CELSR1: variants seen among roughly 807,000 people sequenced by gnomAD.
CELSR1 encodes the protein cadherin EGF LAG seven-pass G-type receptor 1.
CELSR1 carries 110 observed loss-of-function variants against 249.1 expected under a neutral mutation model. The observed-to-expected ratio is 0.44, with a 90% CI of 0.38 to 0.52. The LOEUF is 0.52. CELSR1 is among the 20% of genes least tolerant of loss of function. The pLI, the probability that CELSR1 is intolerant of heterozygous loss-of-function variation, is 0.00. For synonymous variants in CELSR1, 2,113 were observed against 1,900.0 expected (o/e 1.11, Z -2.92); for missense variants, 4,109 against 4,296.4 (o/e 0.96, Z 1.22).
rs12169530 is a variant in CELSR1 at position 46,408,965 on chromosome 22, A to C, written c.5226+31T>G. The C allele has an allele frequency of 2.4e-3, 3,775 of 1,567,088 alleles. 86 individuals carry two copies. The African/African-American group carries it at 0.047, about 20-fold the overall frequency. ...TCCCTCCCTCGGGCACCCACCTAGC[A>C]GGTGCCTTGGTGGCACGGGGCCCCA... On this transcript the variant is annotated intron_variant, in intron 9 of 34. Transcript: ENST00000674500. This position sits in a 1 kb window ranked among gnomAD's most constrained non-coding sequence, Gnocchi z 4.6.
intron 28 of CELSR1, 41 bp downstream of exon 28, chr22:46,367,688 G>A (rs776254691): frequency 2.4e-5 from 37 of 1,567,536 alleles, no homozygotes; most frequent in African/African-American, 2.0e-4. Flanking sequence ...GTGTCACGGC[G>A]GCCAGGCAGG....
At chr22:46,404,701 C>CTGGT (rs1458542060) in intron 9 of CELSR1, among the ~76,000 whole-genome samples, 36 of 152,312 alleles carry the variant, frequency 2.4e-4, no homozygotes, top group African/African-American at 8.2e-4. Flanking sequence ...GATGGCCAGG[C>CTGGT]TGGTCTTGAA....
Position 46,380,638 on chromosome 22 carries a change from G to A in CELSR1, c.7256+150C>T. Reference sequence around the variant, plus strand: ...TGATATTCCCACAGAAGCAGAGCAGGAGGCTCACTGCCCCCACGGGGGACT... The same window carrying A: ...TGATATTCCCACAGAAGCAGAGCAGAAGGCTCACTGCCCCCACGGGGGACT... On this transcript the variant is annotated intron_variant, in intron 22 of 34. Transcript: ENST00000674500. This position sits in a 1 kb window ranked among gnomAD's most constrained non-coding sequence, Gnocchi z 5.1. 3.7e-6 allele frequency: 3 copies of A among 810,322 alleles called. No homozygotes were observed. Among genetic ancestry groups the A allele is most frequent in the Non-Finnish European group, 5.8e-6 (3 of 516,194 alleles). 50.2% of individuals were successfully genotyped at this position (810,322 alleles called of 1,614,324 possible). A position where few individuals can be genotyped will look rare whatever the true frequency, so the allele number is the denominator to read the frequency against.
chr22:46,499,713 G>A (rs1354053556), intron 1 of CELSR1, among the ~76,000 whole-genome samples: 6 of 152,030 alleles, frequency 3.9e-5, no homozygotes, highest in East Asian at 1.9e-4. Context: ...AAACTGTATC[G>A]AGGCAGCTTC....
chr22:46,397,430 A>C (rs4823807), intron 12 of CELSR1, among the ~76,000 whole-genome samples: 32,098 of 151,396 alleles, frequency 0.21, 4,388 homozygotes, highest in African/African-American at 0.4. Context: ...CTTACTTTTC[A>C]CTGTTTCTTT....
Position 46,390,515 on chromosome 22 carries a change from C to G in CELSR1, c.6251-29G>C. The G allele has an allele frequency of 6.4e-7, 1 of 1,556,444 alleles. No homozygotes were observed. The highest frequency in any genetic ancestry group is 1.1e-5 in the South Asian group (1 of 88,796). On this transcript the variant is annotated intron_variant, in intron 16 of 34. Coordinates refer to ENST00000674500, the MANE Select transcript of CELSR1 (RefSeq NM_001378328.1). This position sits in a 1 kb window ranked among gnomAD's most constrained non-coding sequence, Gnocchi z 6.3. ...GGGAAGGAGAGCAGGTGTGCAAAGC[C>G]TGAAACTCAAACTGTTGATCAATGC...
At chr22:46,372,649 A>G (rs1398188603) in intron 25 of CELSR1, among the ~76,000 whole-genome samples, 2 of 151,984 alleles carry the variant, frequency 1.3e-5, no homozygotes, top group African/African-American at 4.8e-5. Context: ...AATAACCCTG[A>G]ACAGACCTGG....
intron 1 of CELSR1, among the ~76,000 whole-genome samples, chr22:46,533,254 T>A (rs1424007976): frequency 6.6e-6 from 1 of 152,218 alleles, no homozygotes; most frequent in Non-Finnish European, 1.5e-5. Context: ...CAGAGAGCCC[T>A]GTGGCTGGCT....
Position 46,390,319 on chromosome 22 carries a change from C to T in CELSR1, c.6345+73G>A. The T allele has an allele frequency of 1.6e-6, 2 of 1,258,716 alleles. No individual in the cohort carries two copies. Among genetic ancestry groups the T allele is most frequent in the Admixed American group, 4.2e-5 (2 of 47,192 alleles). The allele number at this position is 1,258,716 out of a possible 1,614,324, so 78.0% of individuals were successfully genotyped here. ...ACTCCCCAGCCCAGGAGCCTCGGCC[C>T]ACACAAACTCTCTCACGCATACACG... On this transcript the variant is annotated intron_variant, in intron 17 of 34. Coordinates refer to ENST00000674500, the MANE Select transcript of CELSR1 (RefSeq NM_001378328.1). The surrounding 1 kb of genome is among the most constrained non-coding windows in gnomAD (Gnocchi z 6.3).
rs1416043447 is a variant in CELSR1 at position 46,399,862 on chromosome 22, G to A, written c.5267C>T (p.Pro1756Leu). Residue 1756 changes from proline to leucine, a missense_variant, in exon 10 of 35, where the codon CCC (proline) becomes CTC (leucine). This residue lies in a region of CELSR1 where 1,805 missense variants were observed against 1,831.6 expected (regional missense o/e 0.99). Coordinates refer to ENST00000674500, the MANE Select transcript of CELSR1 (RefSeq NM_001378328.1). This position sits in a 1 kb window ranked among gnomAD's most constrained non-coding sequence, Gnocchi z 5.0. ...CAGCATCACGGACTCCACATCGGAGGGGCCGTGGGACACCTCAAACTGGAG... is the reference window on the plus strand; with the variant it reads ...CAGCATCACGGACTCCACATCGGAGAGGCCGTGGGACACCTCAAACTGGAG... ...NYLQFEVSHG[P>L]SDVESVMLSG... 6.2e-7 allele frequency: 1 copy of A among 1,614,136 alleles called. No individual in the cohort carries two copies. Among genetic ancestry groups the A allele is most frequent in the Non-Finnish European group, 8.5e-7 (1 of 1,179,978 alleles).
In CELSR1 at chr22:46,491,262, C is replaced by CTT. The variant is rs58492957; in HGVS notation, c.3545-26919_3545-26918dup. ...CTAAAGAAATCTAGCCAGAAAGTCA[C>CTT]TTTTTTTTTTTTTTTTTTTGAGACA... On this transcript the variant is annotated intron_variant, in intron 1 of 34. Transcript: ENST00000674500. Among the ~76,000 whole-genome samples, 369 of 118,554 alleles carry CTT rather than the reference C, an allele frequency of 3.1e-3. 15 individuals are homozygous for CTT. In the South Asian group the frequency reaches 0.051, roughly 16 times the overall value. The allele number at this position is 118,554 out of a possible 152,430, so 77.8% of individuals were successfully genotyped here. A position where few individuals can be genotyped will look rare whatever the true frequency, so the allele number is the denominator to read the frequency against.
chr22:46,521,447 G>A (rs1408116569), intron 1 of CELSR1, among the ~76,000 whole-genome samples: 2 of 151,882 alleles, frequency 1.3e-5, no homozygotes, highest in Admixed American at 6.6e-5. Context: ...GGAGCTTGCA[G>A]TGAGCCGAGA....
In CELSR1 at chr22:46,367,042, C is replaced by G; in HGVS notation, c.8156G>C (p.Arg2719Thr). 6.2e-7 allele frequency: 1 copy of G among 1,611,178 alleles called. No homozygotes were observed. The highest frequency in any genetic ancestry group is 8.5e-7 in the Non-Finnish European group (1 of 1,179,626). ...RKHLKGVLGG[R>T]KLHLEDSATT... ...GGCGGAGTCCTCCAGGTGCAGCTTCCTCCCGCCGAGCACGCCCTTCAGGTG... is the reference window on the plus strand; with the variant it reads ...GGCGGAGTCCTCCAGGTGCAGCTTCGTCCCGCCGAGCACGCCCTTCAGGTG... Residue 2719 changes from arginine to threonine, a missense_variant, in exon 29 of 35, where the codon AGG becomes ACG. Around this residue, in one of 7 missense-constraint regions of CELSR1, gnomAD observed 1,805 missense variants for 1,831.6 expected, o/e 0.99. Coordinates refer to ENST00000674500, the MANE Select transcript of CELSR1 (RefSeq NM_001378328.1).
At chr22:46,369,597 C>T in intron 26 of CELSR1, 95 bp downstream of exon 26, 3 of 1,169,606 alleles carry the variant, frequency 2.6e-6, no homozygotes, top group Admixed American at 3.9e-5. Flanking sequence ...CCGTCGGCTG[C>T]TCAGAGGAGT....
rs969754829 is a variant in CELSR1 at position 46,409,419 on chromosome 22, C to T, written c.5060-257G>A. On this transcript the variant is annotated intron_variant, in intron 8 of 34. Transcript: ENST00000674500. The surrounding 1 kb of genome is among the most constrained non-coding windows in gnomAD (Gnocchi z 9.8). ...CTGCAGGCTCCCAGCCACAGATGGGCGTGGTAAGGGGCTCTCAGGCTTGAC... is the reference window on the plus strand; with the variant it reads ...CTGCAGGCTCCCAGCCACAGATGGGTGTGGTAAGGGGCTCTCAGGCTTGAC... Among the ~76,000 whole-genome samples, 4 of 152,088 alleles carry T rather than the reference C, an allele frequency of 2.6e-5. No homozygotes were observed. Among genetic ancestry groups the T allele is most frequent in the Non-Finnish European group, 4.4e-5 (3 of 68,000 alleles).
chr22:46,366,580 C>A (rs934965000), intron 29 of CELSR1, 100 bp from the exon 30 acceptor site: 2 of 977,980 alleles, frequency 2.0e-6, no homozygotes, highest in Non-Finnish European at 3.2e-6. Context: ...CACACCCACA[C>A]CCTGGCTGGG....
In CELSR1 at chr22:46,423,013, T is replaced by C. The variant is rs2079495536; in HGVS notation, c.4611+10380A>G. On this transcript the variant is annotated intron_variant, in intron 5 of 34. Coordinates refer to ENST00000674500, the MANE Select transcript of CELSR1 (RefSeq NM_001378328.1). This position sits in a 1 kb window ranked among gnomAD's most constrained non-coding sequence, Gnocchi z 5.6. ...CCTGGCTCTTGCCACCAATGGTCCA[T>C]GTCTCTACCTAGAGGCTGGGCTTGG... Among the ~76,000 whole-genome samples, 1 of 152,182 alleles carries C rather than the reference T, an allele frequency of 6.6e-6. No homozygotes were observed. Among genetic ancestry groups the C allele is most frequent in the East Asian group, 1.9e-4 (1 of 5,198 alleles).
rs940726665 is a variant in CELSR1 at position 46,447,286 on chromosome 22, G to C, written c.4184-7875C>G. Among the ~76,000 whole-genome samples, 5 of 152,094 alleles carry C rather than the reference G, an allele frequency of 3.3e-5. No homozygotes were observed. Among genetic ancestry groups the C allele is most frequent in the East Asian group, 3.9e-4 (2 of 5,180 alleles). ...GCTCTGTATCTTTTATTTTCTAATAGAGCTTTTATAAGACACACTATTTTC... is the reference window on the plus strand; with the variant it reads ...GCTCTGTATCTTTTATTTTCTAATACAGCTTTTATAAGACACACTATTTTC... On this transcript the variant is annotated intron_variant, in intron 2 of 34. Coordinates refer to ENST00000674500, the MANE Select transcript of CELSR1 (RefSeq NM_001378328.1). This position sits in a 1 kb window ranked among gnomAD's most constrained non-coding sequence, Gnocchi z 4.7.
At chr22:46,508,151 C>G (rs907770027) in intron 1 of CELSR1, among the ~76,000 whole-genome samples, 1 of 152,066 alleles carries the variant, frequency 6.6e-6, no homozygotes, top group East Asian at 1.9e-4. Flanking sequence ...CCCCCTCCCC[C>G]ACGGCTCCTA....
Sources: gnomAD v4.1 joint callset for allele counts (sites outside exome capture counted in the v4.1 genomes callset) on GRCh38, gnomAD v4.1.1 for gene constraint, gnomAD v4.1.1 regional missense constraint, Gnocchi (gnomAD v3.1) non-coding constraint, MANE v1.5 for transcripts, NCBI Gene and HGNC (gene_info 2026-07-23, HGNC 2026-07-21) for gene names.